ADGRL2: variants seen among roughly 807,000 people sequenced by gnomAD.
ADGRL2 encodes the protein calcium-independent alpha-latrotoxin receptor 2.
In ADGRL2, 44 loss-of-function variants were observed where a neutral mutation model predicts 157.4. The ratio of observed to expected loss-of-function variants is 0.28; its 90% confidence interval spans 0.22 to 0.36. The LOEUF (loss-of-function observed/expected upper bound fraction) is 0.36. Among genes scored for constraint, ADGRL2 ranks in the 10% least tolerant of loss-of-function variants. The pLI is 1.00. For missense variants in ADGRL2, 1,510 were observed against 1,768.9 expected, an observed-to-expected ratio of 0.85 and a Z score of 2.63; for synonymous variants, 585 against 624.7, an observed-to-expected ratio of 0.94 and a Z score of 0.95.
upstream of ADGRL2, among the ~76,000 whole-genome samples, chr1:81,799,696 T>C (rs2087786004): frequency 6.6e-6 from 1 of 152,208 alleles, no homozygotes; most frequent in South Asian, 2.1e-4. Flanking sequence ...CACCAAAAAG[T>C]ACCTATTGTT....
intron 1 of ADGRL2, among the ~76,000 whole-genome samples, chr1:81,389,624 G>T (rs140870199): frequency 6.6e-6 from 1 of 152,166 alleles, no homozygotes; most frequent in Non-Finnish European, 1.5e-5. Flanking sequence ...TCAAGAATGC[G>T]TCCCATGTAT....
intron 1 of ADGRL2, among the ~76,000 whole-genome samples, chr1:81,429,315 C>T (rs1332633006): frequency 1.3e-5 from 2 of 152,014 alleles, no homozygotes; most frequent in South Asian, 2.1e-4. Flanking sequence ...TACTTGTACT[C>T]TAAGAGCAGG....
intron 2 of ADGRL2, among the ~76,000 whole-genome samples, chr1:81,521,060 G>T (rs2079302818): frequency 6.6e-6 from 1 of 152,174 alleles, no homozygotes; most frequent in Non-Finnish European, 1.5e-5. Context: ...GGATAGAACT[G>T]CTAGCTGCAG....
At chr1:81,631,108 A>T (rs773466025) in intron 3 of ADGRL2, among the ~76,000 whole-genome samples, 1 of 152,154 alleles carries the variant, frequency 6.6e-6, no homozygotes, top group African/African-American at 2.4e-5. Context: ...TACCTTTCCA[A>T]TATGAGTCCA....
At chr1:81,469,455 A>C (rs893716588) in intron 2 of ADGRL2, among the ~76,000 whole-genome samples, 1 of 151,800 alleles carries the variant, frequency 6.6e-6, no homozygotes, top group East Asian at 1.9e-4. Context: ...CTTCTTTCTT[A>C]TTTTCCCTTT....
intron 1 of ADGRL2, among the ~76,000 whole-genome samples, chr1:81,388,666 A>T (rs1191077398): frequency 6.6e-6 from 1 of 152,174 alleles, no homozygotes; most frequent in African/African-American, 2.4e-5. Flanking sequence ...CACAGATAGG[A>T]GTAAACGTGT....
intron 2 of ADGRL2, among the ~76,000 whole-genome samples, chr1:81,485,978 A>T (rs567010842): frequency 6.6e-6 from 1 of 152,208 alleles, no homozygotes. Flanking sequence ...CTTTGTGTGC[A>T]CTTACAACTT....
intron 2 of ADGRL2, among the ~76,000 whole-genome samples, chr1:81,483,189 TC>T (rs930575499): frequency 2.6e-5 from 4 of 152,156 alleles, no homozygotes; most frequent in African/African-American, 7.2e-5. Context: ...TCAAACTGTA[TC>T]TGTTTTATAG....
At chr1:81,322,109 T>TATATATATATATATATATAA in intron 1 of ADGRL2, among the ~76,000 whole-genome samples, 1 of 129,836 alleles carries the variant, frequency 7.7e-6, no homozygotes, top group Admixed American at 8.2e-5. Flanking sequence ...TATATATATA[T>TATATATATATATATATATAA]ACACATATAT....
chr1:81,311,528 A>G (rs1275610053), intron 1 of ADGRL2, among the ~76,000 whole-genome samples: 1 of 152,188 alleles, frequency 6.6e-6, no homozygotes, highest in African/African-American at 2.4e-5. Flanking sequence ...CACTAAGACT[A>G]AAGCCTACTC....
intron 1 of ADGRL2, among the ~76,000 whole-genome samples, chr1:81,375,604 C>A (rs533622695): frequency 2.6e-4 from 39 of 152,314 alleles, no homozygotes; most frequent in African/African-American, 8.9e-4. Flanking sequence ...ATGCTTCTAG[C>A]ATTCTACTAT....
intron 13 of ADGRL2, among the ~76,000 whole-genome samples, chr1:81,967,263 CT>C (rs5775656): frequency 0.48 from 65,211 of 135,514 alleles, 15,158 homozygotes; most frequent in East Asian, 0.85. Context: ...TTGATTGACT[CT>C]TTTTTTTTTT....
intron 2 of ADGRL2, among the ~76,000 whole-genome samples, chr1:81,522,123 C>A (rs952400493): frequency 6.6e-6 from 1 of 151,912 alleles, no homozygotes. Flanking sequence ...CACCACTGTA[C>A]CCAGCTAATT....
intron 1 of ADGRL2, among the ~76,000 whole-genome samples, chr1:81,374,578 G>GGAAAAAAAAAAACAAA (rs2076215108): frequency 1.5e-5 from 2 of 130,268 alleles, no homozygotes; most frequent in South Asian, 4.8e-4. Flanking sequence ...TCTCAAAAAA[G>GGAAAAAAAAAAACAAA]AAAAAAAAAA....
At chr1:81,952,176 C>T (rs1557986669) in intron 9 of ADGRL2, 34 bp downstream of exon 9, 3 of 1,524,936 alleles carry the variant, frequency 2.0e-6, no homozygotes, top group Non-Finnish European at 1.8e-6. Flanking sequence ...TTGAATTAGA[C>T]ACTTGGTATG....
rs571865418 is a variant in ADGRL2 at position 81,386,207 on chromosome 1, C to T, written c.-301-58829C>T. Among the ~76,000 whole-genome samples, 2 of 152,170 alleles carry T rather than the reference C, an allele frequency of 1.3e-5. 1 individual carries two copies. Among genetic ancestry groups the T allele is most frequent in the South Asian group, 4.2e-4 (2 of 4,818 alleles). ...ATGACATGTCTGACTGTTCCTCTAT[C>T]TAAATGAAATAAAACAGACACAGTC... On this transcript the variant is annotated intron_variant, in intron 1 of 24. Coordinates refer to the ADGRL2 transcript ENST00000370721.
chr1:81,362,413 A>C (rs931000817), intron 1 of ADGRL2, among the ~76,000 whole-genome samples: 1 of 151,334 alleles, frequency 6.6e-6, no homozygotes, highest in African/African-American at 2.4e-5. Flanking sequence ...TTCTTTGACT[A>C]TCAGAAAGCT....
At chr1:81,732,724 A>G (rs1269208204) in intron 1 of ADGRL2, among the ~76,000 whole-genome samples, 1 of 152,236 alleles carries the variant, frequency 6.6e-6, no homozygotes, top group African/African-American at 2.4e-5. Context: ...AGAATTTGCC[A>G]GTGGAGGATA....
At chr1:81,705,026 C>T (rs1355849547) in intron 1 of ADGRL2, among the ~76,000 whole-genome samples, 1 of 152,068 alleles carries the variant, frequency 6.6e-6, no homozygotes, top group Non-Finnish European at 1.5e-5. Context: ...ATGAACAAAA[C>T]AGTGTTGTTG....
Sources: allele counts gnomAD v4.1 joint callset (sites outside exome capture counted in the v4.1 genomes callset), GRCh38; gene constraint gnomAD v4.1.1; transcripts MANE v1.5; gene names NCBI Gene and HGNC (gene_info 2026-07-23, HGNC 2026-07-21).